FXR1: variants seen among roughly 807,000 people sequenced by gnomAD.
FXR1 encodes the protein RNA-binding protein FXR1.
FXR1 carries 15 observed loss-of-function variants against 84.0 expected under a neutral mutation model. The ratio of observed to expected loss-of-function variants is 0.18; its 90% confidence interval spans 0.12 to 0.27. The LOEUF (loss-of-function observed/expected upper bound fraction) is 0.27, where lower values mean the gene tolerates loss of function less well. FXR1 is among the 10% of genes least tolerant of loss of function. The pLI is 1.00. For missense variants in FXR1, 480 were observed against 774.4 expected, an observed-to-expected ratio of 0.62 and a Z score of 4.51; for synonymous variants, 245 against 250.7, an observed-to-expected ratio of 0.98 and a Z score of 0.21.
chr3:180,961,953 T>C (rs1712176283), intron 11 of FXR1, among the ~76,000 whole-genome samples: 2 of 152,180 alleles, frequency 1.3e-5, no homozygotes, highest in Admixed American at 6.5e-5. Flanking sequence ...AGGAGTGACA[T>C]TGGGCTTCCT....
intron 1 of FXR1, among the ~76,000 whole-genome samples, chr3:180,929,696 T>A (rs1719656623): frequency 6.6e-6 from 1 of 152,164 alleles, no homozygotes; most frequent in African/African-American, 2.4e-5. Context: ...TCAATTTGGG[T>A]CTCTTGAGCA....
chr3:180,917,198 A>G (rs1472225167), intron 1 of FXR1, among the ~76,000 whole-genome samples: 1 of 152,190 alleles, frequency 6.6e-6, no homozygotes, highest in Admixed American at 6.5e-5. Context: ...ACAAATCTCA[A>G]AGTACTATAT....
intron 10 of FXR1, among the ~76,000 whole-genome samples, chr3:180,959,604 C>T: frequency 6.6e-6 from 1 of 152,018 alleles, no homozygotes; most frequent in Non-Finnish European, 1.5e-5. Flanking sequence ...GACCTGAAAA[C>T]AGGCTATGTG....
intron 15 of FXR1, 43 bp downstream of exon 15, chr3:180,970,401 T>C (rs1432694315): frequency 7.0e-6 from 2 of 284,500 alleles, no homozygotes; most frequent in Non-Finnish European, 6.4e-6. Context: ...TATATATATA[T>C]ATATATATAT....
intron 1 of FXR1, chr3:180,915,695 C>T (rs763548426): frequency 3.2e-4 from 221 of 699,516 alleles, no homozygotes; most frequent in Admixed American, 4.8e-4. Flanking sequence ...ACACATTTGG[C>T]CGTAAGTGTG....
At chr3:180,927,384 C>T (rs1048267981) in intron 1 of FXR1, among the ~76,000 whole-genome samples, 13 of 151,982 alleles carry the variant, frequency 8.6e-5, no homozygotes, top group African/African-American at 2.9e-4. Context: ...ATTTTGTCTG[C>T]CCTCATACAG....
intron 14 of FXR1, among the ~76,000 whole-genome samples, chr3:180,969,028 T>C (rs1278418041): frequency 6.6e-6 from 1 of 152,194 alleles, no homozygotes; most frequent in Non-Finnish European, 1.5e-5. Flanking sequence ...TGTAGTATTT[T>C]AATATTATAG....
In FXR1 at chr3:180,929,740, G is replaced by C. The variant is rs554731018; in HGVS notation, c.52-3594G>C. On this transcript the variant is annotated intron_variant, in intron 1 of 16. Coordinates refer to ENST00000357559, the MANE Select transcript of FXR1 (RefSeq NM_005087.4). ...GACCTACCATCATTCTGGTGGCTTG[G>C]GAATACAAAAATACATTTAAAAGTA... Among the ~76,000 whole-genome samples the C allele has an allele frequency of 1.6e-3, 243 of 152,234 alleles. 1 individual carries two copies. Among genetic ancestry groups the C allele is most frequent in the Middle Eastern group, 0.01 (3 of 292 alleles).
At chr3:180,951,218 G>A in intron 7 of FXR1, 80 bp from the exon 8 acceptor site, 1 of 811,482 alleles carries the variant, frequency 1.2e-6, no homozygotes, top group Non-Finnish European at 2.0e-6. Context: ...GTGAGACCCT[G>A]TCTGGAAAAA....
intron 1 of FXR1, chr3:180,915,480 A>G (rs770394544): frequency 6.8e-7 from 1 of 1,460,368 alleles, no homozygotes; most frequent in South Asian, 1.2e-5. Flanking sequence ...AAGCAATTTA[A>G]TTTTAATTAG....
At chr3:180,949,086 G>A (rs1721965413) in intron 6 of FXR1, 141 bp from the exon 7 acceptor site, 2 of 689,560 alleles carry the variant, frequency 2.9e-6, no homozygotes, top group South Asian at 3.4e-5. Context: ...AGGAAAGTGT[G>A]ATTACTCAGA....
chr3:180,939,414 GA>G (rs1489861707), intron 3 of FXR1, among the ~76,000 whole-genome samples: 1 of 152,064 alleles, frequency 6.6e-6, no homozygotes, highest in African/African-American at 2.4e-5. Flanking sequence ...ATCATACTTA[GA>G]GATGGTCAGG....
chr3:180,953,174 A>G (rs1467237085), intron 8 of FXR1, among the ~76,000 whole-genome samples: 1 of 152,192 alleles, frequency 6.6e-6, no homozygotes, highest in African/African-American at 2.4e-5. Context: ...ACACACGTTA[A>G]AAGTGAAAGT....
chr3:180,948,828 A>AG lies in FXR1; in HGVS notation c.513+14_513+15insG. The stretch of plus-strand genomic sequence containing the variant: ...CTAATGATACTGGTAAGATAGTACC[A>AG]TATTATAAGGTAGCTTATTAATGGA... On this transcript the variant is annotated intron_variant, in intron 6 of 16. Transcript: ENST00000357559. The AG allele has an allele frequency of 2.7e-6, 3 of 1,125,032 alleles. No individual in the cohort carries two copies. Among genetic ancestry groups the AG allele is most frequent in the Non-Finnish European group, 4.1e-6 (3 of 738,690 alleles). 69.7% of individuals were successfully genotyped at this position (1,125,032 alleles called of 1,614,324 possible). A position where few individuals can be genotyped will look rare whatever the true frequency, so the allele number is the denominator to read the frequency against.
intron 15 of FXR1, 143 bp downstream of exon 15, chr3:180,970,501 C>T (rs1713434896): frequency 1.5e-5 from 3 of 200,488 alleles, no homozygotes; most frequent in African/African-American, 2.4e-5. Flanking sequence ...TTAGTGTTTA[C>T]TTTGAACAAG....
Position 180,970,251 on chromosome 3 carries a change from G to A in FXR1, c.1496G>A (p.Ser499Asn), listed in dbSNP as rs371778667. The A allele has an allele frequency of 1.2e-6, 2 of 1,601,122 alleles. No homozygotes were observed. Among genetic ancestry groups the A allele is most frequent in the African/African-American group, 2.7e-5 (2 of 74,706 alleles). The change falls in exon 15 of 17, where the codon AGT becomes AAT. Residue 499 changes from serine to asparagine, a missense_variant. Ser to Asn is a conservative substitution (Grantham distance 46). Around this residue, in one of 6 missense-constraint regions of FXR1, gnomAD observed 157 missense variants for 227.8 expected, o/e 0.69. Coordinates refer to ENST00000357559, the MANE Select transcript of FXR1 (RefSeq NM_005087.4). The stretch of plus-strand genomic sequence containing the variant: ...ACTGATGCCAGCGAATCTCATCACA[G>A]TACTAACCGTCGTAGGCGGTCTCGT... ...ADTDASESHH[S>N]TNRRRRSRRR...
intron 1 of FXR1, among the ~76,000 whole-genome samples, chr3:180,925,559 A>T (rs1160606353): frequency 1.3e-5 from 2 of 152,188 alleles, no homozygotes; most frequent in African/African-American, 4.8e-5. Context: ...AGGGGTTACC[A>T]TCAGGTGCCA....
chr3:180,950,869 C>A (rs978189939), intron 7 of FXR1, among the ~76,000 whole-genome samples: 1 of 152,052 alleles, frequency 6.6e-6, no homozygotes, highest in Non-Finnish European at 1.5e-5. Flanking sequence ...ATTTGGGTTG[C>A]TTTCACCTCT....
Position 180,948,039 on chromosome 3 carries a change from C to G in FXR1, c.270+103C>G, listed in dbSNP as rs537987489. On this transcript the variant is annotated intron_variant, in intron 4 of 16. Coordinates refer to ENST00000357559, the MANE Select transcript of FXR1 (RefSeq NM_005087.4). ...CAACTGTTAGTTTTATTTCTAAAAG[C>G]CTACCTGAGAAATAGTTGATCAGAC... is the stretch of plus-strand genomic sequence containing the variant. 7 of 693,476 alleles carry G rather than the reference C, an allele frequency of 1.0e-5. No homozygotes were observed. The South Asian group carries it at 1.2e-4, about 12-fold the overall frequency. 43.0% of individuals were successfully genotyped at this position (693,476 alleles called of 1,614,324 possible).
Sources: gnomAD v4.1 joint callset for allele counts (sites outside exome capture counted in the v4.1 genomes callset) on GRCh38, gnomAD v4.1.1 for gene constraint, gnomAD v4.1.1 regional missense constraint, MANE v1.5 for transcripts, NCBI Gene and HGNC (gene_info 2026-07-23, HGNC 2026-07-21) for gene names.